Variants in RNF146 observed in about 807,000 individuals in gnomAD.
RNF146 encodes E3 ubiquitin-protein ligase RNF146.
RNF146 carries 11 observed loss-of-function variants against 29.7 expected under a neutral mutation model. That is an observed-to-expected ratio of 0.37 (90% CI 0.23 to 0.61). The LOEUF (loss-of-function observed/expected upper bound fraction) is 0.61, where lower values mean the gene tolerates loss of function less well. Among genes scored for constraint, RNF146 ranks in the 20% least tolerant of loss-of-function variants. RNF146 has a pLI of 0.66. For missense variants in RNF146, 342 were observed against 438.9 expected (o/e 0.78, Z 1.97); for synonymous variants, 150 against 159.7 (o/e 0.94, Z 0.46).
At chr6:127,279,301 G>A (rs1260214462) in intron 1 of RNF146, among the ~76,000 whole-genome samples, 2 of 151,762 alleles carry the variant, frequency 1.3e-5, no homozygotes, top group Non-Finnish European at 2.9e-5. Flanking sequence ...TTTATATATA[G>A]TATACGGTAG....
At chr6:127,270,726 C>A (rs553813747) in intron 1 of RNF146, among the ~76,000 whole-genome samples, 18 of 152,138 alleles carry the variant, frequency 1.2e-4, no homozygotes, top group Admixed American at 1.2e-3. Flanking sequence ...GAGAGCAAAA[C>A]CAATGTTTCT....
chr6:127,277,895 C>T (rs1778442785), intron 1 of RNF146, among the ~76,000 whole-genome samples: 1 of 152,030 alleles, frequency 6.6e-6, no homozygotes, highest in African/African-American at 2.4e-5. Flanking sequence ...TGAAAGTTCT[C>T]TGATTTTAAA....
chr6:127,284,165 A>G (rs1779236494), intron 2 of RNF146, among the ~76,000 whole-genome samples: 3 of 151,794 alleles, frequency 2.0e-5, no homozygotes, highest in Non-Finnish European at 4.4e-5. Context: ...CAAATACAAT[A>G]GGTTTGGAAT....
chr6:127,277,189 A>G (rs552287750), intron 1 of RNF146, among the ~76,000 whole-genome samples: 1 of 152,188 alleles, frequency 6.6e-6, no homozygotes, highest in African/African-American at 2.4e-5. Context: ...TCAGTGTGAT[A>G]GAGACTTGAA....
intron 1 of RNF146, among the ~76,000 whole-genome samples, chr6:127,268,244 C>T (rs1776946714): frequency 6.6e-6 from 1 of 151,982 alleles, no homozygotes; most frequent in African/African-American, 2.4e-5. Flanking sequence ...GGGATGTGAA[C>T]GTATAATATT....
At chr6:127,284,458 CT>C (rs1779267346) in intron 2 of RNF146, among the ~76,000 whole-genome samples, 1 of 151,618 alleles carries the variant, frequency 6.6e-6, no homozygotes, top group African/African-American at 2.4e-5. Flanking sequence ...TTCTTGTTTT[CT>C]TTTTCTTAAT....
At chr6:127,270,998 T>G (rs1777403636) in intron 1 of RNF146, among the ~76,000 whole-genome samples, 5 of 152,026 alleles carry the variant, frequency 3.3e-5, no homozygotes, top group Admixed American at 3.3e-4. Context: ...GTATTTTTAG[T>G]AGAGACGGGG....
At chr6:127,277,239 C>G (rs901017943) in intron 1 of RNF146, among the ~76,000 whole-genome samples, 1 of 151,992 alleles carries the variant, frequency 6.6e-6, no homozygotes, top group African/African-American at 2.4e-5. Context: ...TTGTCTCCTC[C>G]TGTCCTATAT....
At chr6:127,274,997 C>T (rs986644818) in intron 1 of RNF146, among the ~76,000 whole-genome samples, 12 of 152,034 alleles carry the variant, frequency 7.9e-5, no homozygotes, top group African/African-American at 2.2e-4. Flanking sequence ...AGTGATGGTC[C>T]GAAAACCTTT....
At chr6:127,278,751 T>G (rs527453906) in intron 1 of RNF146, among the ~76,000 whole-genome samples, 1 of 152,000 alleles carries the variant, frequency 6.6e-6, no homozygotes, top group South Asian at 2.1e-4. Context: ...AGCTACACCC[T>G]TTTACCTTCC....
chr6:127,277,842 A>G (rs930027333), intron 1 of RNF146, among the ~76,000 whole-genome samples: 7 of 152,078 alleles, frequency 4.6e-5, no homozygotes, highest in African/African-American at 1.4e-4. Flanking sequence ...CTTCACTCCA[A>G]TCAAGTTGAC....
At position 127,285,931 on chromosome 6, in the gene RNF146, C is replaced by T. The variant is rs544808343; in HGVS notation, c.3-685C>T. On this transcript the variant is annotated intron_variant, in intron 2 of 2. Coordinates refer to ENST00000368314, the MANE Select transcript of RNF146 (RefSeq NM_001242850.2). ...TCAGTACTTAGTATTGTATCTGGAA[C>T]ATGGCAGGTGTTTAGTAAATGTTTA... 4.6e-4 allele frequency: 297 copies of T among 646,572 alleles called. 1 individual carries two copies. In the African/African-American group the frequency reaches 5.1e-3, roughly 11 times the overall value. The allele number at this position is 646,572 out of a possible 1,614,324, so 40.1% of individuals were successfully genotyped here.
rs9321072 is a variant in RNF146, at chr6:127,285,204, C to T, written c.3-1412C>T. On this transcript the variant is annotated intron_variant, in intron 2 of 2. Coordinates refer to ENST00000368314, the MANE Select transcript of RNF146 (RefSeq NM_001242850.2). ...AAAACTTACTGTGTTGCTTCCTTTA[C>T]TAGAAAATTGCCATCTTTTTGAGCC... 55,625 of 984,294 alleles carry T rather than the reference C, an allele frequency of 0.057. 4,399 individuals are homozygous for T. In the East Asian group the frequency reaches 0.57, roughly 10 times the overall value. The allele number at this position is 984,294 out of a possible 1,614,324, so 61.0% of individuals were successfully genotyped here.
intron 1 of RNF146, among the ~76,000 whole-genome samples, chr6:127,269,330 G>A (rs1457329639): frequency 4.6e-5 from 7 of 152,174 alleles, no homozygotes; most frequent in Non-Finnish European, 8.8e-5. Context: ...CTTGACCAAG[G>A]TCACACAGAT....
intron 1 of RNF146, among the ~76,000 whole-genome samples, chr6:127,274,039 TTG>T (rs199739921): frequency 2.0e-5 from 3 of 151,758 alleles, no homozygotes; most frequent in Admixed American, 6.6e-5. Context: ...GCTCCTGGGT[TTG>T]TGTGTGTGTG....
At chr6:127,283,044 G>T (rs1779105177) in intron 2 of RNF146, among the ~76,000 whole-genome samples, 1 of 151,690 alleles carries the variant, frequency 6.6e-6, no homozygotes, top group African/African-American at 2.4e-5. Flanking sequence ...TGTCCAAGAA[G>T]TTTCAAGGAA....
chr6:127,276,248 A>C (rs563121816), intron 1 of RNF146, among the ~76,000 whole-genome samples: 1 of 152,154 alleles, frequency 6.6e-6, no homozygotes, highest in East Asian at 1.9e-4. Context: ...AATCAGGCTG[A>C]ACAATAGTCC....
Position 127,277,769 on chromosome 6 carries a change from G to A in RNF146, c.-108-2462G>A, listed in dbSNP as rs531571996. Among the ~76,000 whole-genome samples, 6 of 152,126 alleles carry A rather than the reference G, an allele frequency of 3.9e-5. No individual in the cohort carries two copies. In the East Asian group the frequency reaches 1.2e-3, roughly 30 times the overall value. On this transcript the variant is annotated intron_variant, in intron 1 of 2. Coordinates refer to ENST00000368314, the MANE Select transcript of RNF146 (RefSeq NM_001242850.2). ...GTGAGTCTGCCTTGCCCAGCCCACT[G>A]ACTCAAATGTTAATCTCTTGGCAAC...
In RNF146 at chr6:127,286,155, G is replaced by C. The variant is rs1779484646; in HGVS notation, c.3-461G>C. 7 of 1,230,594 alleles carry C rather than the reference G, an allele frequency of 5.7e-6. No homozygotes were observed. Among genetic ancestry groups the C allele is most frequent in the Non-Finnish European group, 7.1e-6 (7 of 987,392 alleles). The allele number at this position is 1,230,594 out of a possible 1,614,324, so 76.2% of individuals were successfully genotyped here. A position where few individuals can be genotyped will look rare whatever the true frequency, so the allele number is the denominator to read the frequency against. On this transcript the variant is annotated intron_variant, in intron 2 of 2. Coordinates refer to ENST00000368314, the MANE Select transcript of RNF146 (RefSeq NM_001242850.2). The surrounding 1 kb of genome is among the most constrained non-coding windows in gnomAD (Gnocchi z 4.6). The stretch of plus-strand genomic sequence containing the variant: ...ACTTTTTTTGTCCATTTTTACCTGA[G>C]CTTTGTAAACTCTGATTTGCAGGTA...
Sources: allele counts gnomAD v4.1 joint callset (sites outside exome capture counted in the v4.1 genomes callset), GRCh38; gene constraint gnomAD v4.1.1; non-coding constraint Gnocchi (gnomAD v3.1); transcripts MANE v1.5; gene names NCBI Gene and HGNC (gene_info 2026-07-23, HGNC 2026-07-21).